Variants in FREM2 observed in about 807,000 individuals in gnomAD.
FREM2 encodes FRAS1 related extracellular matrix 2.
Under a neutral mutation model 219.9 loss-of-function variants are expected in FREM2, and 119 were observed. That is an observed-to-expected ratio of 0.54 (90% CI 0.47 to 0.63). The LOEUF is 0.63. Among genes scored for constraint, FREM2 ranks in the 30% least tolerant of loss-of-function variants. The pLI is 0.00. For missense variants in FREM2, 4,030 were observed against 3,993.6 expected (o/e 1.01, Z -0.25); for synonymous variants, 1,562 against 1,522.8 (o/e 1.03, Z -0.60).
At chr13:38,761,924 A>C (rs1873241313) in intron 2 of FREM2, among the ~76,000 whole-genome samples, 1 of 152,172 alleles carries the variant, frequency 6.6e-6, no homozygotes, top group Non-Finnish European at 1.5e-5. Context: ...GAACCTGGAA[A>C]TCTGCAAAGA....
rs960603297 is a variant in FREM2, at chr13:38,883,071, T to A, written c.*2284T>A. The A allele has an allele frequency of 6.6e-6, 1 of 152,162 alleles. No individual in the cohort carries two copies. The highest frequency in any genetic ancestry group is 2.4e-5 in the African/African-American group (1 of 41,448). The allele number at this position is 152,162 out of a possible 1,614,324, so 9.4% of individuals were successfully genotyped here. On this transcript the variant is annotated 3_prime_UTR_variant, in exon 24 of 24. Coordinates refer to ENST00000280481, the MANE Select transcript of FREM2 (RefSeq NM_207361.6). ...TAAAATGCAGAACATTTCTATCCTATCCTACCAAATATTTATCCTTCTCTG... is the reference window on the plus strand; with the variant it reads ...TAAAATGCAGAACATTTCTATCCTAACCTACCAAATATTTATCCTTCTCTG...
At chr13:38,723,324 A>G (rs1871374921) in intron 2 of FREM2, among the ~76,000 whole-genome samples, 1 of 152,186 alleles carries the variant, frequency 6.6e-6, no homozygotes, top group Admixed American at 6.5e-5. Flanking sequence ...ATTCATCTTA[A>G]ACATGTTAGT....
chr13:38,713,344 C>T lies in FREM2; in HGVS notation c.5263+15557C>T, dbSNP rs141018013. 4.3e-3 allele frequency among the ~76,000 whole-genome samples: 657 copies of T among 152,274 alleles called. 11 individuals are homozygous for T. Among genetic ancestry groups the T allele is most frequent in the African/African-American group, 0.015 (615 of 41,550 alleles). On this transcript the variant is annotated intron_variant, in intron 2 of 23. Coordinates refer to ENST00000280481, the MANE Select transcript of FREM2 (RefSeq NM_207361.6). Reference sequence around the variant, plus strand: ...GTTCCCTCATCTGTAAACCTGAAAACATAACGTAGCAGTGTCTCAGGAATG... The same window carrying T: ...GTTCCCTCATCTGTAAACCTGAAAATATAACGTAGCAGTGTCTCAGGAATG...
In FREM2 at chr13:38,690,135, G is replaced by A. The variant is rs200313149; in HGVS notation, c.2791G>A (p.Val931Ile). The change falls in exon 1 of 24, where the codon GTA (valine) becomes ATA (isoleucine). Residue 931 changes from valine to isoleucine, a missense_variant. Physicochemically the swap from Val to Ile is conservative, Grantham distance 29. Around this residue, in one of 2 missense-constraint regions of FREM2, gnomAD observed 3,102 missense variants for 2,950.7 expected, o/e 1.05. Coordinates refer to ENST00000280481, the MANE Select transcript of FREM2 (RefSeq NM_207361.6). ...TCATGTGGTGCCCATCACTCTCAGA[G>A]TAAATGTCCGGCCAGTGGATGATGA... ...RHHVVPITLRVNVRPVDDEVP... is the reference protein window; with the variant it reads ...RHHVVPITLRINVRPVDDEVP... The A allele has an allele frequency of 1.8e-5, 29 of 1,614,028 alleles. No homozygotes were observed. The Admixed American group carries it at 2.2e-4, about 12-fold the overall frequency.
At chr13:38,874,147 G>A (rs1163621663) in intron 17 of FREM2, among the ~76,000 whole-genome samples, 1 of 152,114 alleles carries the variant, frequency 6.6e-6, no homozygotes, top group East Asian at 1.9e-4. Context: ...TTACATGTCC[G>A]AATCTCCATC....
At chr13:38,822,366 T>G (rs9594297) in intron 6 of FREM2, among the ~76,000 whole-genome samples, 15,469 of 146,718 alleles carry the variant, frequency 0.11, 2,164 homozygotes, top group African/African-American at 0.36. Context: ...TTTTTTTTTT[T>G]TTTTTAAGAA....
intron 6 of FREM2, among the ~76,000 whole-genome samples, chr13:38,799,806 T>C (rs1035691077): frequency 1.3e-5 from 2 of 152,152 alleles, no homozygotes; most frequent in Non-Finnish European, 2.9e-5. Context: ...TTTATTTTGG[T>C]TTCCATTTGC....
intron 11 of FREM2, 141 bp downstream of exon 11, chr13:38,852,009 G>T: frequency 1.3e-6 from 1 of 745,408 alleles, no homozygotes; most frequent in East Asian, 2.7e-5. Context: ...ATTTTAAGGG[G>T]TACAAGTGCA....
At chr13:38,768,809 G>A (rs1025961751) in intron 3 of FREM2, among the ~76,000 whole-genome samples, 1 of 152,116 alleles carries the variant, frequency 6.6e-6, no homozygotes, top group African/African-American at 2.4e-5. Context: ...TACCTGGCAT[G>A]GTAATAATGG....
chr13:38,848,303 C>T (rs1043940986), intron 7 of FREM2, among the ~76,000 whole-genome samples, 158 bp from the exon 8 acceptor site: 3 of 152,152 alleles, frequency 2.0e-5, no homozygotes, highest in Non-Finnish European at 4.4e-5. Context: ...TATCCAGATA[C>T]TAATCTTTTG....
chr13:38,723,226 G>A (rs937882931), intron 2 of FREM2, among the ~76,000 whole-genome samples: 16 of 151,318 alleles, frequency 1.1e-4, no homozygotes, highest in Admixed American at 7.3e-4. Flanking sequence ...CAGAGCATGC[G>A]CCATCTTAAA....
intron 2 of FREM2, among the ~76,000 whole-genome samples, chr13:38,746,065 A>G (rs974571316): frequency 1.3e-5 from 2 of 152,172 alleles, no homozygotes; most frequent in Non-Finnish European, 2.9e-5. Flanking sequence ...ACACAGTGGA[A>G]ATACTCATTT....
chr13:38,730,134 TCA>T (rs1871705473), intron 2 of FREM2, among the ~76,000 whole-genome samples: 1 of 152,148 alleles, frequency 6.6e-6, no homozygotes, highest in South Asian at 2.1e-4. Flanking sequence ...AATTTGATAG[TCA>T]CACACATCTC....
At chr13:38,845,865 A>C (rs976242597) in intron 6 of FREM2, among the ~76,000 whole-genome samples, 1 of 152,128 alleles carries the variant, frequency 6.6e-6, no homozygotes, top group African/African-American at 2.4e-5. Context: ...GAAGACCCCA[A>C]AGCATGTGCC....
At chr13:38,867,634 G>C (rs1878018907) in intron 16 of FREM2, among the ~76,000 whole-genome samples, 1 of 152,162 alleles carries the variant, frequency 6.6e-6, no homozygotes, top group African/African-American at 2.4e-5. Flanking sequence ...TGGAGAACCA[G>C]GGAAGCCAGT....
At chr13:38,855,559 A>C (rs1056400666) in intron 11 of FREM2, among the ~76,000 whole-genome samples, 6 of 152,206 alleles carry the variant, frequency 3.9e-5, no homozygotes, top group Admixed American at 2.0e-4. Flanking sequence ...ATTTTCCTTC[A>C]GATAAAATCG....
At chr13:38,719,054 A>G (rs1193494189) in intron 2 of FREM2, among the ~76,000 whole-genome samples, 2 of 152,230 alleles carry the variant, frequency 1.3e-5, no homozygotes, top group African/African-American at 2.4e-5. Context: ...TTTGGAGGTC[A>G]GAAGTTCCAA....
In FREM2 at chr13:38,850,100, A is replaced by T; in HGVS notation, c.6442A>T (p.Thr2148Ser). The change falls in exon 9 of 24, where the codon ACA (threonine) becomes TCA (serine). Residue 2148 changes from threonine (T) to serine (S), a missense_variant. By Grantham distance (58) the Thr-to-Ser change is moderately conservative. Transcript: ENST00000280481. ...TGSESDGQIV[T>S]MIHRTGDVQY... ...CAGCGAAAGTGATGGGCAGATAGTT[A>T]CAATGATCCATAGGACTGGGGATGT... 1 of 1,614,078 alleles carries T rather than the reference A, an allele frequency of 6.2e-7. No homozygotes were observed. The highest frequency in any genetic ancestry group is 8.5e-7 in the Non-Finnish European group (1 of 1,179,912).
chr13:38,786,633 T>TA (rs1318269573), intron 6 of FREM2, among the ~76,000 whole-genome samples: 1 of 152,124 alleles, frequency 6.6e-6, no homozygotes, highest in Non-Finnish European at 1.5e-5. Flanking sequence ...AGGTTTAATT[T>TA]AAAAAAAGAA....
Sources: allele counts gnomAD v4.1 joint callset (sites outside exome capture counted in the v4.1 genomes callset), GRCh38; gene constraint gnomAD v4.1.1; regional missense constraint gnomAD v4.1.1; transcripts MANE v1.5; gene names NCBI Gene and HGNC (gene_info 2026-07-23, HGNC 2026-07-21).